ZSCAN5A: variants seen among roughly 807,000 people sequenced by gnomAD.
ZSCAN5A encodes the protein zinc finger and SCAN domain-containing protein 5A.
Under a neutral mutation model 23.7 loss-of-function variants are expected in ZSCAN5A, and 12 were observed. The ratio of observed to expected loss-of-function variants is 0.51; its 90% CI spans 0.32 to 0.82. ZSCAN5A has a LOEUF of 0.82. ZSCAN5A is among the 40% of genes least tolerant of loss of function. The probability of loss-of-function intolerance (pLI) is 0.03; values close to 1 mark genes in which losing one functional copy is unlikely to be tolerated. For missense variants in ZSCAN5A, 597 were observed against 617.9 expected, an observed-to-expected ratio of 0.97 and a Z score of 0.36; for synonymous variants, 257 against 239.9, an observed-to-expected ratio of 1.07 and a Z score of -0.66.
chr19:56,284,549 C>G (rs868600378), intron 2 of ZSCAN5A, among the ~76,000 whole-genome samples: 1 of 129,096 alleles, frequency 7.7e-6, no homozygotes, highest in Admixed American at 9.7e-5. Flanking sequence ...CAGTCTTGCT[C>G]TGTCACTCAG....
intron 2 of ZSCAN5A, among the ~76,000 whole-genome samples, chr19:56,355,113 T>G (rs2041693526): frequency 8.0e-6 from 1 of 124,614 alleles, no homozygotes; most frequent in Non-Finnish European, 1.7e-5. Context: ...TTGAGGATAG[T>G]AATCATGATG....
At chr19:56,260,216 T>A (rs944614176) in intron 2 of ZSCAN5A, among the ~76,000 whole-genome samples, 1 of 143,636 alleles carries the variant, frequency 7.0e-6, no homozygotes, top group East Asian at 2.1e-4. Context: ...TTTTTTTACT[T>A]TTTTTTTTTT....
At position 56,225,280 on chromosome 19, in the gene ZSCAN5A, A is replaced by G; in HGVS notation, c.-127-107T>C. 5.5e-6 allele frequency: 6 copies of G among 1,098,894 alleles called. No homozygotes were observed. The South Asian group carries it at 6.5e-5, about 12-fold the overall frequency. The allele number at this position is 1,098,894 out of a possible 1,614,324, so 68.1% of individuals were successfully genotyped here. A position where few individuals can be genotyped will look rare whatever the true frequency, so the allele number is the denominator to read the frequency against. On this transcript the variant is annotated intron_variant, in intron 2 of 5. Coordinates refer to ENST00000683990, the MANE Select transcript of ZSCAN5A (RefSeq NM_001322064.3). The stretch of plus-strand genomic sequence containing the variant: ...CCACTTCTTCAGCAGCATCGAATTC[A>G]GCACAGTGGAAATCTTCCAGTGTCT...
At chr19:56,272,383 T>C (rs2037913988) in intron 2 of ZSCAN5A, among the ~76,000 whole-genome samples, 1 of 152,240 alleles carries the variant, frequency 6.6e-6, no homozygotes, top group South Asian at 2.1e-4. Flanking sequence ...AAAGCTGCTG[T>C]AGACAATACA....
chr19:56,332,383 T>A (rs905771853), intron 2 of ZSCAN5A, among the ~76,000 whole-genome samples: 3 of 152,242 alleles, frequency 2.0e-5, no homozygotes, highest in Non-Finnish European at 4.4e-5. Context: ...AGTCTTCTTA[T>A]TAAATTGAGG....
At chr19:56,301,081 G>T (rs535225193) in intron 2 of ZSCAN5A, among the ~76,000 whole-genome samples, 9 of 152,044 alleles carry the variant, frequency 5.9e-5, no homozygotes, top group African/African-American at 2.2e-4. Context: ...AAGGGGTCCC[G>T]ATCAAGACCC....
chr19:56,301,428 T>G (rs2040222705), intron 2 of ZSCAN5A, among the ~76,000 whole-genome samples: 2 of 152,034 alleles, frequency 1.3e-5, no homozygotes, highest in Admixed American at 6.5e-5. Context: ...GCTAATGCAT[T>G]ATAATTAGTA....
At chr19:56,319,389 G>C (rs1484996764), upstream of ZSCAN5A, among the ~76,000 whole-genome samples, 19 of 150,414 alleles carry the variant, frequency 1.3e-4, no homozygotes, top group Non-Finnish European at 2.8e-4. Context: ...CTCACTACCC[G>C]GGGGGCTGAA....
chr19:56,222,357 A>G (rs1307652550), intron 5 of ZSCAN5A, 31 bp from the exon 6 acceptor site: 1 of 1,602,794 alleles, frequency 6.2e-7, no homozygotes, highest in Non-Finnish European at 8.5e-7. Context: ...CACACAGTTA[A>G]TAAAGCGCAT....
intron 1 of ZSCAN5A, among the ~76,000 whole-genome samples, chr19:56,367,657 A>C (rs2041779486): frequency 6.6e-6 from 1 of 152,226 alleles, no homozygotes; most frequent in Admixed American, 6.5e-5. Flanking sequence ...ATTTATGAGC[A>C]CTTAATCCTC....
At chr19:56,364,297 C>G (rs949092516) in intron 1 of ZSCAN5A, among the ~76,000 whole-genome samples, 4 of 152,204 alleles carry the variant, frequency 2.6e-5, no homozygotes, top group Non-Finnish European at 5.9e-5. Context: ...ACCATATGAA[C>G]TTATGTTGTT....
chr19:56,352,272 G>A lies in ZSCAN5A; in HGVS notation c.-358+10963C>T, dbSNP rs1347514848. On this transcript the variant is annotated intron_variant, in intron 2 of 6. Transcript: ENST00000587340. This position sits in a 1 kb window ranked among gnomAD's most constrained non-coding sequence, Gnocchi z 4.2. The stretch of plus-strand genomic sequence containing the variant: ...GCCGATAGTGTGGTGTTTTAACAAA[G>A]CTTCTACTCAGAGAGACGGATTAAA... Among the ~76,000 whole-genome samples the A allele has an allele frequency of 2.6e-5, 4 of 152,102 alleles. No individual in the cohort carries two copies. The highest frequency in any genetic ancestry group is 2.0e-4 in the Admixed American group (3 of 15,264).
At chr19:56,338,639 G>C (rs2041563814) in intron 2 of ZSCAN5A, 2 of 152,180 alleles carry the variant, frequency 1.3e-5, no homozygotes, top group South Asian at 4.1e-4. Context: ...CCATTACACT[G>C]GATGATGATT....
At chr19:56,222,546 A>G (rs760129577) in intron 5 of ZSCAN5A, 45 bp downstream of exon 5, 9 of 1,605,268 alleles carry the variant, frequency 5.6e-6, no homozygotes, top group South Asian at 4.5e-5. Context: ...CCCGCACCCC[A>G]GAAGAGAGGG....
Position 56,355,445 on chromosome 19 carries a change from G to A in ZSCAN5A, c.-358+7790C>T, listed in dbSNP as rs996092443. On this transcript the variant is annotated intron_variant, in intron 2 of 6. Transcript: ENST00000587340. ...ATTTTACTGTATACTCCATGATTTT[G>A]AAGATCATGTCAATTTTTTTCCCAA... 2.0e-5 allele frequency among the ~76,000 whole-genome samples: 3 copies of A among 148,382 alleles called. 1 individual carries two copies. Among genetic ancestry groups the A allele is most frequent in the Non-Finnish European group, 4.5e-5 (3 of 67,220 alleles).
intron 2 of ZSCAN5A, among the ~76,000 whole-genome samples, chr19:56,348,917 A>G (rs1245353452): frequency 6.6e-6 from 1 of 152,110 alleles, no homozygotes; most frequent in Non-Finnish European, 1.5e-5. Flanking sequence ...TGTAAGAGAA[A>G]TTAAACCTCA....
chr19:56,283,387 A>G (rs2038860664), intron 2 of ZSCAN5A: 3 of 152,184 alleles, frequency 2.0e-5, no homozygotes, highest in Admixed American at 2.0e-4. Flanking sequence ...TCCAAACAGG[A>G]AACAATATCT....
In ZSCAN5A at chr19:56,351,825, C is replaced by T. The variant is rs2041669260; in HGVS notation, c.-358+11410G>A. On this transcript the variant is annotated intron_variant, in intron 2 of 6. Coordinates refer to the ZSCAN5A transcript ENST00000587340. The surrounding 1 kb of genome is among the most constrained non-coding windows in gnomAD (Gnocchi z 4.8). ...TAAGATTGCACAGGTGCAGCGAATA[C>T]GAACCTGGGAAGACTGTGGTGTTTC... Among the ~76,000 whole-genome samples the T allele has an allele frequency of 1.3e-5, 2 of 152,130 alleles. No individual in the cohort carries two copies. The highest frequency in any genetic ancestry group is 4.8e-5 in the African/African-American group (2 of 41,426).
In ZSCAN5A at chr19:56,222,058, T is replaced by A. The variant is rs773281724; in HGVS notation, c.1008A>T (p.Pro336=). 1 of 1,614,176 alleles carries A rather than the reference T, an allele frequency of 6.2e-7. No individual in the cohort carries two copies. Among genetic ancestry groups the A allele is most frequent in the Non-Finnish European group, 8.5e-7 (1 of 1,180,024 alleles). ...GQAGMNSIHS[P]GPASPVSHPD... is the part of the protein sequence containing the mutation. Reference sequence around the variant, plus strand: ...GGTGACTGACTGGGCTCGCAGGGCCTGGGGAATGAATTGAATTCATCCCAG... The same window carrying A: ...GGTGACTGACTGGGCTCGCAGGGCCAGGGGAATGAATTGAATTCATCCCAG... The change falls in exon 6 of 6, where the codon CCA becomes CCT. Residue 336 remains proline, a synonymous_variant. Coordinates refer to ENST00000683990, the MANE Select transcript of ZSCAN5A (RefSeq NM_001322064.3).
Sources: gnomAD v4.1 joint callset for allele counts (sites outside exome capture counted in the v4.1 genomes callset) on GRCh38, gnomAD v4.1.1 for gene constraint, Gnocchi (gnomAD v3.1) non-coding constraint, MANE v1.5 for transcripts, NCBI Gene and HGNC (gene_info 2026-07-23, HGNC 2026-07-21) for gene names.